NBAS: variants seen among roughly 807,000 people sequenced by gnomAD.
The protein encoded by NBAS is NBAS subunit of NRZ tethering complex.
In NBAS, 219 loss-of-function variants were observed where a neutral mutation model predicts 302.5. The ratio of observed to expected loss-of-function variants is 0.72; its 90% CI spans 0.65 to 0.81. NBAS has a LOEUF of 0.81. NBAS is among the 30% of genes least tolerant of loss of function. NBAS has a pLI of 0.00. For missense variants in NBAS, 2,932 were observed against 2,841.6 expected (o/e 1.03, Z -0.72); for synonymous variants, 1,118 against 1,021.6 (o/e 1.09, Z -1.80).
Position 15,309,201 on chromosome 2 carries a change from C to T in NBAS, c.4629G>A (p.Leu1543=). 6.2e-7 allele frequency: 1 copy of T among 1,612,722 alleles called. No individual in the cohort carries two copies. The highest frequency in any genetic ancestry group is 8.5e-7 in the Non-Finnish European group (1 of 1,179,160). Residue 1543 remains leucine, a synonymous_variant, in exon 39 of 52, where the codon TTG becomes TTA. Transcript: ENST00000281513. ...ASEALPNDMT[L]ALAYLLALPQ... ...GTAAGGCAAGAAGGTAAGCAAGAGC[C>T]AAGGTCATGTCATTTGGCAAGGCTT...
chr2:15,076,917 TAAAC>T, the NBAS span, among the ~76,000 whole-genome samples: 1 of 152,220 alleles, frequency 6.6e-6, no homozygotes, highest in Non-Finnish European at 1.5e-5. Context: ...AGAATGACAC[TAAAC>T]AATCATATTT....
chr2:15,050,187 C>T, the NBAS span, among the ~76,000 whole-genome samples: 4 of 152,194 alleles, frequency 2.6e-5, no homozygotes, highest in East Asian at 7.7e-4. Context: ...TATCCCAGCA[C>T]ACTCGAACCA....
chr2:14,816,888 A>G, the NBAS span, among the ~76,000 whole-genome samples: 380 of 152,334 alleles, frequency 2.5e-3, 2 homozygotes, highest in African/African-American at 8.8e-3. Flanking sequence ...CATAGCTGCC[A>G]AAGTTAAACA....
intron 38 of NBAS, among the ~76,000 whole-genome samples, chr2:15,323,896 C>A: frequency 8.0e-6 from 1 of 125,370 alleles, no homozygotes; most frequent in African/African-American, 3.3e-5. Context: ...CCGGGCCCAA[C>A]TCCACAGTTT....
rs550683093 is a variant in NBAS, at chr2:15,315,476, C to T, written c.4583-6229G>A. Among the ~76,000 whole-genome samples the T allele has an allele frequency of 2.6e-4, 39 of 152,316 alleles. 1 individual carries two copies. The South Asian group carries it at 5.8e-3, about 23-fold the overall frequency. On this transcript the variant is annotated intron_variant, in intron 38 of 51. Coordinates refer to ENST00000281513, the MANE Select transcript of NBAS (RefSeq NM_015909.4). ...AAATGAAAGAAATCCTCCCTGAAAA[C>T]TGCGTCAAATGCTTAAGCTCCCTGT...
the NBAS span, among the ~76,000 whole-genome samples, chr2:15,078,004 G>A: frequency 6.6e-6 from 1 of 152,158 alleles, no homozygotes; most frequent in Non-Finnish European, 1.5e-5. Flanking sequence ...TTCTAAGAAG[G>A]AGGTCTCTGA....
At chr2:14,785,547 C>A in the NBAS span, among the ~76,000 whole-genome samples, 1 of 152,232 alleles carries the variant, frequency 6.6e-6, no homozygotes, top group East Asian at 1.9e-4. Flanking sequence ...TGAATTTTGT[C>A]AAAGGCCTTT....
chr2:15,529,369 TGTA>T lies in NBAS; in HGVS notation c.746+5171_746+5173del, dbSNP rs573579865. 2.7e-3 allele frequency among the ~76,000 whole-genome samples: 418 copies of T among 152,116 alleles called. 3 individuals are homozygous for T. The highest frequency in any genetic ancestry group is 5.9e-3 in the Admixed American group (90 of 15,274). On this transcript the variant is annotated intron_variant, in intron 9 of 51. Transcript: ENST00000281513. ...ACAGCCAAGTGTGGTGGTGTGCACC[TGTA>T]GTCCCAGCTACTCGAGAGGCTCAAG...
intron 48 of NBAS, among the ~76,000 whole-genome samples, chr2:15,217,204 T>C (rs2147879259): frequency 6.6e-6 from 1 of 152,356 alleles, no homozygotes; most frequent in Admixed American, 6.5e-5. Context: ...ACTGAACATG[T>C]TAAGGTCACA....
chr2:15,080,486 G>C, the NBAS span, among the ~76,000 whole-genome samples: 4 of 152,142 alleles, frequency 2.6e-5, no homozygotes, highest in Admixed American at 6.5e-5. Context: ...TGATTATTCT[G>C]GTTATCTATT....
chr2:15,388,794 T>A (rs1213753741), intron 28 of NBAS, among the ~76,000 whole-genome samples: 1 of 152,098 alleles, frequency 6.6e-6, no homozygotes, highest in Non-Finnish European at 1.5e-5. Context: ...ATGGAATACT[T>A]CCCAACATTG....
At chr2:14,847,080 A>G in the NBAS span, among the ~76,000 whole-genome samples, 1 of 152,070 alleles carries the variant, frequency 6.6e-6, no homozygotes, top group Non-Finnish European at 1.5e-5. Flanking sequence ...AACACACTTC[A>G]CCTATAAAGA....
chr2:15,539,261 A>G lies in NBAS; in HGVS notation c.475T>C (p.Phe159Leu). The change falls in exon 7 of 52, where the codon TTT becomes CTT. Residue 159 changes from phenylalanine (F) to leucine (L), a missense_variant. Physicochemically the swap from Phe to Leu is conservative, Grantham distance 22. Transcript: ENST00000281513. Reference sequence around the variant, plus strand: ...AAGAGTTCACTTCCCATGAGATCAAACACCCTCACAGTTCCTGTGCTTTCG... The same window carrying G: ...AAGAGTTCACTTCCCATGAGATCAAGCACCCTCACAGTTCCTGTGCTTTCG... ...YAESTGTVRV[F>L]DLMGSELFVI... The G allele has an allele frequency of 1.9e-6, 3 of 1,614,224 alleles. No individual in the cohort carries two copies. Among genetic ancestry groups the G allele is most frequent in the Non-Finnish European group, 2.5e-6 (3 of 1,180,034 alleles).
intron 44 of NBAS, among the ~76,000 whole-genome samples, chr2:15,257,383 C>T (rs550018763): frequency 6.6e-6 from 1 of 150,384 alleles, no homozygotes; most frequent in East Asian, 2.0e-4. Context: ...TCAGTTGTAA[C>T]ATCTCCCATT....
At position 15,255,274 on chromosome 2, in the gene NBAS, T is replaced by C. The variant is rs115664930; in HGVS notation, c.5725-16588A>G. ...TATGGCCATTTTTGCAGGAATAAGG[T>C]GGCATCTCATTGTAGTTTTGATTTG... On this transcript the variant is annotated intron_variant, in intron 44 of 51. Transcript: ENST00000281513. Among the ~76,000 whole-genome samples, 695 of 152,314 alleles carry C rather than the reference T, an allele frequency of 4.6e-3. 3 individuals are homozygous for C. Among genetic ancestry groups the C allele is most frequent in the Non-Finnish European group, 7.2e-3 (493 of 68,016 alleles).
chr2:15,081,017 G>A, the NBAS span, among the ~76,000 whole-genome samples: 1 of 151,794 alleles, frequency 6.6e-6, no homozygotes, highest in East Asian at 1.9e-4. Flanking sequence ...AGATAAAAAC[G>A]GGCCACCATG....
intron 44 of NBAS, among the ~76,000 whole-genome samples, chr2:15,240,841 C>T (rs1342584969): frequency 6.6e-6 from 1 of 152,144 alleles, no homozygotes; most frequent in Non-Finnish European, 1.5e-5. Flanking sequence ...AATTATGTTA[C>T]TGTGTTTGCC....
chr2:14,839,275 C>A, the NBAS span, among the ~76,000 whole-genome samples: 2 of 151,902 alleles, frequency 1.3e-5, no homozygotes, highest in East Asian at 3.9e-4. Context: ...ATCTATCTGG[C>A]ACCAAGCACA....
At chr2:15,240,398 C>A (rs1425798503) in intron 44 of NBAS, among the ~76,000 whole-genome samples, 2 of 141,798 alleles carry the variant, frequency 1.4e-5, no homozygotes, top group East Asian at 2.1e-4. Flanking sequence ...GTCAGGTGAT[C>A]GAGACAATCC....
Sources: gnomAD v4.1 joint callset for allele counts (sites outside exome capture counted in the v4.1 genomes callset) on GRCh38, gnomAD v4.1.1 for gene constraint, MANE v1.5 for transcripts, NCBI Gene and HGNC (gene_info 2026-07-23, HGNC 2026-07-21) for gene names.